The following FAAH2 variants were observed in gnomAD, a reference collection of about 807,000 sequenced individuals.
FAAH2 encodes the protein fatty acid amide hydrolase 2.
Under a neutral mutation model 36.9 loss-of-function variants are expected in FAAH2, and 60 were observed. The observed-to-expected ratio is 1.63, with a 90% CI of 1.32 to 2.02. The LOEUF (loss-of-function observed/expected upper bound fraction) is 2.02, where lower values mean the gene tolerates loss of function less well. Ranked by LOEUF, FAAH2 falls within the 30% of genes most tolerant of loss-of-function variation. The pLI is 0.00. For missense variants in FAAH2, 689 were observed against 397.5 expected, an observed-to-expected ratio of 1.73 and a Z score of -6.23; for synonymous variants, 214 against 143.8, an observed-to-expected ratio of 1.49 and a Z score of -3.49.
chrX:57,339,342 A>G (rs1053772399), intron 4 of FAAH2, among the ~76,000 whole-genome samples: 11 of 112,260 alleles, frequency 9.8e-5, no homozygotes, highest in Admixed American at 3.8e-4. Flanking sequence ...ACCATTCAGG[A>G]CGTAGGCATG....
intron 7 of FAAH2, chrX:57,392,854 C>T (rs901872204): frequency 1.4e-6 from 1 of 724,293 alleles, no homozygotes; most frequent in Non-Finnish European, 2.2e-6. Flanking sequence ...TGTGTTTTGG[C>T]CATGCAGATG....
the FAAH2 span, among the ~76,000 whole-genome samples, chrX:57,190,077 G>T: frequency 9.0e-6 from 1 of 111,542 alleles, no homozygotes; most frequent in African/African-American, 3.3e-5. Flanking sequence ...TGGGGCTGGT[G>T]CCTTTCTTTC....
At chrX:57,154,722 A>G in the FAAH2 span, among the ~76,000 whole-genome samples, 6 of 110,458 alleles carry the variant, frequency 5.4e-5, no homozygotes, top group South Asian at 3.9e-4. Flanking sequence ...AGCTAGTGTA[A>G]TGTTTTTGGG....
the FAAH2 span, among the ~76,000 whole-genome samples, chrX:57,265,272 G>T: frequency 9.0e-6 from 1 of 111,550 alleles, no homozygotes; most frequent in Non-Finnish European, 1.9e-5. Context: ...TGCAACCCCA[G>T]GTGGTTAGAC....
At chrX:57,138,153 A>G in the FAAH2 span, among the ~76,000 whole-genome samples, 1 of 112,256 alleles carries the variant, frequency 8.9e-6, no homozygotes, top group African/African-American at 3.2e-5. Context: ...TGTGATTACA[A>G]TACTTAACAA....
rs149076170 is a variant in FAAH2, at chrX:57,421,353, G to A, written c.997-10565G>A. On this transcript the variant is annotated intron_variant, in intron 7 of 10. Transcript: ENST00000374900. The stretch of plus-strand genomic sequence containing the variant: ...CAGCTACTCAGCTACTCAGGTGGGT[G>A]AGACCGGAGAGTTGCTTGAACCCAA... Among the ~76,000 whole-genome samples the A allele has an allele frequency of 2.3e-3, 258 of 112,211 alleles. 1 individual carries two copies. Among genetic ancestry groups the A allele is most frequent in the Middle Eastern group, 9.1e-3 (2 of 219 alleles).
At chrX:57,301,282 A>G (rs2052354710) in intron 2 of FAAH2, among the ~76,000 whole-genome samples, 1 of 111,255 alleles carries the variant, frequency 9.0e-6, no homozygotes, top group Admixed American at 9.6e-5. Context: ...CTATGCAGCC[A>G]TAAAAAAGGA....
chrX:57,228,256 G>T, the FAAH2 span, among the ~76,000 whole-genome samples: 12 of 111,218 alleles, frequency 1.1e-4, no homozygotes. Flanking sequence ...CCTCCTGATG[G>T]ATCCCTGTGG....
chrX:57,391,917 G>C (rs147491506), intron 7 of FAAH2, among the ~76,000 whole-genome samples: 1 of 110,248 alleles, frequency 9.1e-6, no homozygotes, highest in Non-Finnish European at 1.9e-5. Context: ...CAGTATGGTC[G>C]TTTTAACTAG....
intron 3 of FAAH2, 146 bp downstream of exon 3, chrX:57,310,875 G>C: frequency 3.3e-6 from 2 of 613,874 alleles, no homozygotes. Flanking sequence ...TATTCAGCAA[G>C]TTCCATTGGG....
chrX:57,270,147 C>A, the FAAH2 span, among the ~76,000 whole-genome samples: 4 of 111,401 alleles, frequency 3.6e-5, no homozygotes, highest in African/African-American at 9.8e-5. Context: ...GACAAATACA[C>A]CCTCGCAAGA....
upstream of FAAH2, among the ~76,000 whole-genome samples, chrX:57,283,919 A>G (rs1216918843): frequency 8.9e-6 from 1 of 111,946 alleles, no homozygotes; most frequent in Non-Finnish European, 1.9e-5. Flanking sequence ...GCCCAGGTCA[A>G]GAGGCACTGC....
intron 10 of FAAH2, among the ~76,000 whole-genome samples, chrX:57,480,866 G>A (rs1341083074): frequency 1.8e-5 from 2 of 110,841 alleles, no homozygotes; most frequent in African/African-American, 6.6e-5. Flanking sequence ...ATCACCCTCA[G>A]GGACCCCAGT....
At chrX:57,361,034 C>T (rs1028493239) in intron 5 of FAAH2, among the ~76,000 whole-genome samples, 2 of 111,644 alleles carry the variant, frequency 1.8e-5, no homozygotes, top group Non-Finnish European at 3.8e-5. Context: ...GCATAGTATT[C>T]CATGGTGTAT....
chrX:57,388,757 T>C (rs2055088574), intron 7 of FAAH2, among the ~76,000 whole-genome samples: 1 of 111,400 alleles, frequency 9.0e-6, no homozygotes, highest in Non-Finnish European at 1.9e-5. Context: ...GCATCACTTA[T>C]TTATTCATAC....
At chrX:57,131,134 G>A in the FAAH2 span, among the ~76,000 whole-genome samples, 1 of 101,727 alleles carries the variant, frequency 9.8e-6, no homozygotes, top group Middle Eastern at 4.6e-3. Context: ...GCCGGACTGC[G>A]GACTGCAGTG....
the FAAH2 span, among the ~76,000 whole-genome samples, chrX:57,158,487 G>A: frequency 1.8e-5 from 2 of 111,438 alleles, no homozygotes; most frequent in Admixed American, 9.5e-5. Context: ...GTTCCTATTT[G>A]TCCACATCCT....
the FAAH2 span, among the ~76,000 whole-genome samples, chrX:57,224,462 G>A: frequency 7.2e-5 from 8 of 111,029 alleles, no homozygotes; most frequent in African/African-American, 2.3e-4. Context: ...TTCTCCCGGG[G>A]CCTGAAAGCT....
intron 8 of FAAH2, among the ~76,000 whole-genome samples, chrX:57,432,676 T>A (rs2056328655): frequency 9.0e-6 from 1 of 111,566 alleles, no homozygotes; most frequent in African/African-American, 3.3e-5. Flanking sequence ...TTGAGAACTA[T>A]AAGATAAATT....
Sources: allele counts gnomAD v4.1 joint callset (sites outside exome capture counted in the v4.1 genomes callset), GRCh38; gene constraint gnomAD v4.1.1; transcripts MANE v1.5; gene names NCBI Gene and HGNC (gene_info 2026-07-23, HGNC 2026-07-21).